PALD1: variants seen among roughly 807,000 people sequenced by gnomAD.
The protein encoded by PALD1 is phosphatase domain containing paladin 1.
In PALD1, 57 loss-of-function variants were observed where a neutral mutation model predicts 96.0. That is an observed-to-expected ratio of 0.59 (90% confidence interval 0.48 to 0.74). PALD1 has a LOEUF of 0.74. Among genes scored for constraint, PALD1 ranks in the 30% least tolerant of loss-of-function variants. The pLI is 0.00. For missense variants in PALD1, 1,063 were observed against 1,143.7 expected, an observed-to-expected ratio of 0.93 and a Z score of 1.02; for synonymous variants, 464 against 473.6, an observed-to-expected ratio of 0.98 and a Z score of 0.26.
At chr10:70,535,605 C>G (rs1171744421) in intron 10 of PALD1, among the ~76,000 whole-genome samples, 2 of 146,362 alleles carry the variant, frequency 1.4e-5, no homozygotes, top group African/African-American at 5.1e-5. Flanking sequence ...CTTCTCCTTC[C>G]TCTTCCTCCT....
intron 1 of PALD1, among the ~76,000 whole-genome samples, chr10:70,490,532 A>G (rs573656177): frequency 2.6e-5 from 4 of 152,364 alleles, no homozygotes; most frequent in Non-Finnish European, 5.9e-5. Flanking sequence ...TGAAATGTGT[A>G]TAAGACCAGG....
rs574820321 is a variant in PALD1 at position 70,518,452 on chromosome 10, C to T, written c.-29-7471C>T. Among the ~76,000 whole-genome samples, 222 of 152,246 alleles carry T rather than the reference C, an allele frequency of 1.5e-3. 2 individuals are homozygous for T. The highest frequency in any genetic ancestry group is 5.1e-3 in the African/African-American group (213 of 41,552). ...CAGGTGGCTGTATGCTTTCACTGCTCGCCAGCAGTGTATGTGAGTTCCAGT... is the reference window on the plus strand; with the variant it reads ...CAGGTGGCTGTATGCTTTCACTGCTTGCCAGCAGTGTATGTGAGTTCCAGT... On this transcript the variant is annotated intron_variant, in intron 1 of 19. Transcript: ENST00000263563.
In PALD1 at chr10:70,532,745, T is replaced by C. The variant is rs750570062; in HGVS notation, c.758T>C (p.Val253Ala). The C allele has an allele frequency of 6.2e-7, 1 of 1,613,786 alleles. No homozygotes were observed. The highest frequency in any genetic ancestry group is 1.1e-5 in the South Asian group (1 of 91,052). The change falls in exon 6 of 20, where the codon GTG becomes GCG. Residue 253 changes from valine to alanine, a missense_variant. Transcript: ENST00000263563. ...GACGACTTGCATGTGACGGAGGAGG[T>C]GTACAAGCGGCCCCTCTTCCTGCAG... Reference protein sequence around the residue: ...GEDDLHVTEEVYKRPLFLQPT... With the variant: ...GEDDLHVTEEAYKRPLFLQPT...
At chr10:70,532,115 G>C (rs1847005725) in intron 5 of PALD1, among the ~76,000 whole-genome samples, 1 of 152,162 alleles carries the variant, frequency 6.6e-6, no homozygotes, top group Non-Finnish European at 1.5e-5. Context: ...GTGGGTCTGT[G>C]GGCCTGTTTC....
At chr10:70,561,886 T>C (rs1847744508) in intron 18 of PALD1, among the ~76,000 whole-genome samples, 1 of 152,160 alleles carries the variant, frequency 6.6e-6, no homozygotes, top group Admixed American at 6.5e-5. Flanking sequence ...ACCCTAGATG[T>C]CCCCTCTTCC....
chr10:70,514,054 G>A (rs952737901), intron 1 of PALD1, among the ~76,000 whole-genome samples: 2 of 152,224 alleles, frequency 1.3e-5, no homozygotes, highest in African/African-American at 2.4e-5. Context: ...TCAGTGGGCC[G>A]ACCTGATTTG....
In PALD1 at chr10:70,566,847, A is replaced by T; in HGVS notation, c.*114A>T. 1 of 658,780 alleles carries T rather than the reference A, an allele frequency of 1.5e-6. No individual in the cohort carries two copies. The highest frequency in any genetic ancestry group is 2.5e-6 in the Non-Finnish European group (1 of 395,398). 40.8% of individuals were successfully genotyped at this position (658,780 alleles called of 1,614,324 possible). A position where few individuals can be genotyped will look rare whatever the true frequency, so the allele number is the denominator to read the frequency against. On this transcript the variant is annotated 3_prime_UTR_variant, in exon 20 of 20. Coordinates refer to ENST00000263563, the MANE Select transcript of PALD1 (RefSeq NM_014431.3). ...GTGCTGGCCTTGAAATGATTCCCCC[A>T]CTTCCTGGAGAGACTGAGCGGAGTT...
intron 4 of PALD1, among the ~76,000 whole-genome samples, chr10:70,530,587 C>A (rs181779706): frequency 1.3e-5 from 2 of 152,308 alleles, no homozygotes; most frequent in East Asian, 3.9e-4. Flanking sequence ...AAGGACTGTT[C>A]TTACCTGTCG....
chr10:70,521,425 G>T (rs1444307116), intron 1 of PALD1, among the ~76,000 whole-genome samples: 1 of 152,166 alleles, frequency 6.6e-6, no homozygotes, highest in Non-Finnish European at 1.5e-5. Context: ...CCAGCAAGGT[G>T]CCCAGCGCTT....
upstream of PALD1, among the ~76,000 whole-genome samples, chr10:70,473,806 T>C (rs1845790451): frequency 6.6e-6 from 1 of 152,052 alleles, no homozygotes; most frequent in Non-Finnish European, 1.5e-5. Context: ...CCACTATGCC[T>C]GGCTAATTTT....
chr10:70,539,360 C>T lies in PALD1; in HGVS notation c.1725+113C>T, dbSNP rs1207666736. 5.4e-5 allele frequency: 65 copies of T among 1,203,798 alleles called. No individual in the cohort carries two copies. Among genetic ancestry groups the T allele is most frequent in the South Asian group, 3.7e-4 (24 of 65,728 alleles). The allele number at this position is 1,203,798 out of a possible 1,614,324, so 74.6% of individuals were successfully genotyped here. A position where few individuals can be genotyped will look rare whatever the true frequency, so the allele number is the denominator to read the frequency against. On this transcript the variant is annotated intron_variant, in intron 14 of 19. Transcript: ENST00000263563. The surrounding 1 kb of genome is among the most constrained non-coding windows in gnomAD (Gnocchi z 4.5). ...CAGACAGATGGAGAATCTGAGGCCC[C>T]GGGAGGAGCAGTGTCAGGGAGTGGC...
At chr10:70,532,117 G>A (rs1034273512) in intron 5 of PALD1, among the ~76,000 whole-genome samples, 3 of 152,190 alleles carry the variant, frequency 2.0e-5, no homozygotes, top group Non-Finnish European at 4.4e-5. Context: ...GGGTCTGTGG[G>A]CCTGTTTCAG....
chr10:70,547,629 C>T (rs898002168), intron 18 of PALD1, among the ~76,000 whole-genome samples, 183 bp downstream of exon 18: 3 of 152,134 alleles, frequency 2.0e-5, no homozygotes, highest in Non-Finnish European at 2.9e-5. Flanking sequence ...TCCCCAGCCC[C>T]GACCCACTGG....
chr10:70,462,318 T>C, the PALD1 span, among the ~76,000 whole-genome samples: 67 of 152,372 alleles, frequency 4.4e-4, no homozygotes, highest in African/African-American at 1.6e-3. Context: ...TGGGGCTTCC[T>C]AGTTGTGAGG....
intron 1 of PALD1, among the ~76,000 whole-genome samples, chr10:70,500,023 G>T (rs1351492923): frequency 6.6e-6 from 1 of 152,180 alleles, no homozygotes. Flanking sequence ...AGGTGGGTGT[G>T]GGCATGGACT....
In PALD1 at chr10:70,539,029, G is replaced by C; in HGVS notation, c.1569+21G>C. 1.2e-6 allele frequency: 2 copies of C among 1,613,456 alleles called. No individual in the cohort carries two copies. Among genetic ancestry groups the C allele is most frequent in the Non-Finnish European group, 1.7e-6 (2 of 1,179,666 alleles). ...CCAAGGTGACCGGCCCTCAGGGCCTGGGTCCCCCAGTGGGTTTGGGGAGGG... is the reference window on the plus strand; with the variant it reads ...CCAAGGTGACCGGCCCTCAGGGCCTCGGTCCCCCAGTGGGTTTGGGGAGGG... On this transcript the variant is annotated intron_variant, in intron 13 of 19. Transcript: ENST00000263563. The surrounding 1 kb of genome is among the most constrained non-coding windows in gnomAD (Gnocchi z 4.5).
At chr10:70,533,461 C>G (rs1230255756) in intron 7 of PALD1, among the ~76,000 whole-genome samples, 1 of 152,064 alleles carries the variant, frequency 6.6e-6, no homozygotes, top group Non-Finnish European at 1.5e-5. Flanking sequence ...GACCGCTGGC[C>G]CAGCTGCTGG....
In PALD1 at chr10:70,526,089, CA is replaced by C. The variant is rs749094446; in HGVS notation, c.140del (p.Lys47ArgfsTer14). ...TCCAGAGCACTAGCTTGCATAACAG[CA>C]AGGCCAAGTCCATCATCCCCAACAA... is the stretch of plus-strand genomic sequence containing the variant. ...SFQSTSLHNS[K>X]AKSIIPNKVA... On this transcript the variant is annotated frameshift_variant, in exon 2 of 20. Transcript: ENST00000263563. LOFTEE classifies it high-confidence loss of function. 5.0e-6 allele frequency: 8 copies of C among 1,614,102 alleles called. No homozygotes were observed. Among genetic ancestry groups the C allele is most frequent in the African/African-American group, 2.7e-5 (2 of 74,938 alleles).
At chr10:70,515,152 G>A (rs1846594050) in intron 1 of PALD1, among the ~76,000 whole-genome samples, 1 of 151,948 alleles carries the variant, frequency 6.6e-6, no homozygotes, top group South Asian at 2.1e-4. Context: ...CTGCCCTCTT[G>A]GATCAGATTC....
Sources: allele counts gnomAD v4.1 joint callset (sites outside exome capture counted in the v4.1 genomes callset), GRCh38; gene constraint gnomAD v4.1.1; non-coding constraint Gnocchi (gnomAD v3.1); transcripts MANE v1.5; gene names NCBI Gene and HGNC (gene_info 2026-07-23, HGNC 2026-07-21).